PPA2: variants seen among roughly 807,000 people sequenced by gnomAD.
PPA2 encodes the protein inorganic pyrophosphatase 2.
A neutral mutation model predicts 49.5 loss-of-function variants in PPA2; 48 were observed. That is an observed-to-expected ratio of 0.97 (90% CI 0.77 to 1.23). The LOEUF (loss-of-function observed/expected upper bound fraction) is 1.23, where lower values mean the gene tolerates loss of function less well. Ranked by LOEUF, PPA2 falls within the 50% of genes most tolerant of loss-of-function variation. PPA2 has a pLI of 0.00. For missense variants in PPA2, 429 were observed against 410.1 expected, an observed-to-expected ratio of 1.05 and a Z score of -0.40; for synonymous variants, 131 against 139.9, an observed-to-expected ratio of 0.94 and a Z score of 0.45.
At chr4:105,378,442 T>C (rs1252059827) in intron 10 of PPA2, among the ~76,000 whole-genome samples, 1 of 152,136 alleles carries the variant, frequency 6.6e-6, no homozygotes, top group Non-Finnish European at 1.5e-5. Flanking sequence ...AAACTGAATG[T>C]TTTGTTTTCT....
chr4:105,391,191 G>A (rs964511987), intron 9 of PPA2, among the ~76,000 whole-genome samples: 17 of 151,906 alleles, frequency 1.1e-4, no homozygotes, highest in African/African-American at 3.6e-4. Flanking sequence ...GCTGGTGGGG[G>A]GAGGGGAGGG....
rs183314196 is a variant in PPA2, at chr4:105,421,079, G to A, written c.655+3117C>T. Among the ~76,000 whole-genome samples, 412 of 152,154 alleles carry A rather than the reference G, an allele frequency of 2.7e-3. 2 individuals carry two copies. Among genetic ancestry groups the A allele is most frequent in the African/African-American group, 9.5e-3 (394 of 41,526 alleles). On this transcript the variant is annotated intron_variant, in intron 7 of 11. Coordinates refer to ENST00000341695, the MANE Select transcript of PPA2 (RefSeq NM_176869.3). ...AAGGATAAAAATGTAGAAACCAAATGCTCTAAGTTCTACACTGGGCAGTTA... is the reference window on the plus strand; with the variant it reads ...AAGGATAAAAATGTAGAAACCAAATACTCTAAGTTCTACACTGGGCAGTTA...
chr4:105,465,546 A>G (rs907059886), intron 1 of PPA2, among the ~76,000 whole-genome samples: 1 of 152,064 alleles, frequency 6.6e-6, no homozygotes, highest in Non-Finnish European at 1.5e-5. Flanking sequence ...GCATATCCCT[A>G]ATAAGTGTTC....
intron 7 of PPA2, among the ~76,000 whole-genome samples, chr4:105,400,180 G>A (rs972287649): frequency 3.3e-5 from 5 of 152,010 alleles, no homozygotes; most frequent in African/African-American, 1.2e-4. Flanking sequence ...ATTTATTAGA[G>A]CATATTAAAA....
intron 10 of PPA2, among the ~76,000 whole-genome samples, chr4:105,379,323 C>A (rs760949290): frequency 1.7e-4 from 26 of 151,542 alleles, no homozygotes; most frequent in Non-Finnish European, 3.7e-4. Flanking sequence ...CACAAAAATA[C>A]TTGCTTGAGA....
intron 9 of PPA2, among the ~76,000 whole-genome samples, chr4:105,389,977 T>C (rs1367827607): frequency 6.6e-6 from 1 of 152,016 alleles, no homozygotes; most frequent in African/African-American, 2.4e-5. Flanking sequence ...AACAGACATA[T>C]AGATCAATGG....
At chr4:105,444,956 T>C (rs1253769058) in intron 5 of PPA2, among the ~76,000 whole-genome samples, 2 of 152,122 alleles carry the variant, frequency 1.3e-5, no homozygotes, top group Admixed American at 1.3e-4. Context: ...ATTTTACAGA[T>C]GAAGAAAATG....
chr4:105,385,678 CA>C (rs1240875197), intron 10 of PPA2, among the ~76,000 whole-genome samples: 4 of 151,864 alleles, frequency 2.6e-5, no homozygotes, highest in Non-Finnish European at 5.9e-5. Context: ...TAGTGATCTC[CA>C]AATCAGTCAT....
At chr4:105,423,334 T>C (rs1257668750) in intron 7 of PPA2, 1 of 152,076 alleles carries the variant, frequency 6.6e-6, no homozygotes, top group East Asian at 1.9e-4. Context: ...ATCTTAGAAA[T>C]GGTAATATCT....
At chr4:105,385,375 CACATA>C (rs1010138562) in intron 10 of PPA2, among the ~76,000 whole-genome samples, 2 of 151,064 alleles carry the variant, frequency 1.3e-5, no homozygotes, top group South Asian at 2.1e-4. Context: ...TATATCTTAC[CACATA>C]ACATAATTAG....
At chr4:105,374,199 T>A (rs1733144305) in intron 10 of PPA2, among the ~76,000 whole-genome samples, 1 of 152,214 alleles carries the variant, frequency 6.6e-6, no homozygotes. Flanking sequence ...AATGTGGACA[T>A]CCTCTACTCA....
At chr4:105,443,013 C>T (rs1366148081) in intron 5 of PPA2, among the ~76,000 whole-genome samples, 1 of 152,042 alleles carries the variant, frequency 6.6e-6, no homozygotes, top group African/African-American at 2.4e-5. Flanking sequence ...TATCAGTGAA[C>T]AAAAGAGACA....
rs58230582 is a variant in PPA2 at position 105,472,828 on chromosome 4, C to A, written c.157+1066G>T. Reference sequence around the variant, plus strand: ...AATTACAAATATCTATAATGATTATCGGTATTAACAATAGTAATTTATATT... The same window carrying A: ...AATTACAAATATCTATAATGATTATAGGTATTAACAATAGTAATTTATATT... On this transcript the variant is annotated intron_variant, in intron 1 of 11. Transcript: ENST00000341695. Among the ~76,000 whole-genome samples the A allele has an allele frequency of 4.9e-3, 749 of 152,242 alleles. 6 individuals are homozygous for A. The highest frequency in any genetic ancestry group is 0.016 in the African/African-American group (650 of 41,520).
chr4:105,454,308 T>TTGTTGC (rs779869393), intron 2 of PPA2, among the ~76,000 whole-genome samples: 3 of 35,908 alleles, frequency 8.4e-5, no homozygotes, highest in Non-Finnish European at 1.7e-4. Flanking sequence ...GCTGCTGTTG[T>TTGTTGC]TGTTGTTGTT....
At position 105,424,303 on chromosome 4, in the gene PPA2, A is replaced by T. The variant is rs759559212; in HGVS notation, c.548T>A (p.Val183Asp). The T allele has an allele frequency of 2.5e-6, 4 of 1,596,912 alleles. No homozygotes were observed. The African/African-American group carries it at 5.4e-5, about 22-fold the overall frequency. ...IGSKILSCGEVIHVKILGILA... is the reference protein window; with the variant it reads ...IGSKILSCGEDIHVKILGILA... ...AATTCCAAGGATCTTCACATGAATA[A>T]CTTCTCCACAAGAAAGAATCTTTAA... The change falls in exon 7 of 12, where the codon GTT (valine) becomes GAT (aspartate). Residue 183 changes from valine (V) to aspartate (D), a missense_variant. By Grantham distance (152) the Val-to-Asp change is radical. Coordinates refer to ENST00000341695, the MANE Select transcript of PPA2 (RefSeq NM_176869.3).
At chr4:105,389,446 TAAA>T (rs370183473) in intron 9 of PPA2, among the ~76,000 whole-genome samples, 4,620 of 130,318 alleles carry the variant, frequency 0.035, 198 homozygotes, top group African/African-American at 0.1. Flanking sequence ...AAACGAAACT[TAAA>T]AAAAAAAAAA....
At chr4:105,445,521 C>T (rs1265173542) in intron 5 of PPA2, among the ~76,000 whole-genome samples, 1 of 152,068 alleles carries the variant, frequency 6.6e-6, no homozygotes, top group Non-Finnish European at 1.5e-5. Context: ...GTTTATTCTA[C>T]ACGGGCAGCT....
At chr4:105,459,607 ATATG>A (rs1723004578) in intron 1 of PPA2, among the ~76,000 whole-genome samples, 1 of 152,220 alleles carries the variant, frequency 6.6e-6, no homozygotes, top group South Asian at 2.1e-4. Flanking sequence ...AAAAATCTCT[ATATG>A]TTTACAGCAG....
chr4:105,394,362 AGATTCCAT>A (rs1734045964), intron 9 of PPA2, among the ~76,000 whole-genome samples: 8 of 128,518 alleles, frequency 6.2e-5, no homozygotes, highest in Non-Finnish European at 1.6e-5. Context: ...CAATAGAGCA[AGATTCCAT>A]TTCAAAAAAA....
Sources: allele counts gnomAD v4.1 joint callset (sites outside exome capture counted in the v4.1 genomes callset), GRCh38; gene constraint gnomAD v4.1.1; transcripts MANE v1.5; gene names NCBI Gene and HGNC (gene_info 2026-07-23, HGNC 2026-07-21).